Variants in RARS2 observed in about 807,000 individuals in gnomAD.
RARS2 encodes arginyl-tRNA synthetase 2, mitochondrial, also known as probable arginine--tRNA ligase, mitochondrial.
RARS2 carries 67 observed loss-of-function variants against 88.5 expected under a neutral mutation model. The observed-to-expected ratio is 0.76, with a 90% CI of 0.62 to 0.93. The LOEUF is 0.93. Among genes scored for constraint, RARS2 ranks in the 40% least tolerant of loss-of-function variants. The pLI, the probability that RARS2 is intolerant of heterozygous loss-of-function variation, is 0.00. For synonymous variants in RARS2, 239 were observed against 230.3 expected (o/e 1.04, Z -0.34); for missense variants, 664 against 684.2 (o/e 0.97, Z 0.33).
At chr6:87,583,322 G>A (rs1774158387) in intron 1 of RARS2, among the ~76,000 whole-genome samples, 1 of 152,182 alleles carries the variant, frequency 6.6e-6, no homozygotes, top group African/African-American at 2.4e-5. Context: ...AGGAATGGTG[G>A]CTCTTGCCTG....
intron 1 of RARS2, among the ~76,000 whole-genome samples, chr6:87,582,497 T>C (rs1040624225): frequency 1.3e-5 from 2 of 152,220 alleles, no homozygotes; most frequent in African/African-American, 2.4e-5. Context: ...CTTTGTCAGA[T>C]AGATTGTGAA....
At chr6:87,580,180 G>A (rs979932207) in intron 1 of RARS2, among the ~76,000 whole-genome samples, 2 of 152,090 alleles carry the variant, frequency 1.3e-5, no homozygotes, top group Admixed American at 1.3e-4. Context: ...CTTAGCTTCA[G>A]GGTTTATTTT....
intron 1 of RARS2, among the ~76,000 whole-genome samples, chr6:87,587,782 CTT>C (rs945439438): frequency 5.9e-5 from 9 of 151,676 alleles, no homozygotes; most frequent in Admixed American, 1.3e-4. Flanking sequence ...TTATCTTTTT[CTT>C]TTTTTTGAGA....
chr6:87,543,730 G>T (rs1379866135), intron 7 of RARS2, among the ~76,000 whole-genome samples: 1 of 151,972 alleles, frequency 6.6e-6, no homozygotes, highest in African/African-American at 2.4e-5. Flanking sequence ...TTCTATTCAA[G>T]GTTCAGTAGA....
chr6:87,586,202 G>A (rs1226556396), intron 1 of RARS2, among the ~76,000 whole-genome samples: 1 of 152,176 alleles, frequency 6.6e-6, no homozygotes, highest in East Asian at 1.9e-4. Context: ...GGGGCTTGGT[G>A]TGGAATAGAG....
rs1788719160 is a variant in RARS2 at position 87,564,252 on chromosome 6, CGA to C, written c.111-22_111-21del. On this transcript the variant is annotated intron_variant, in intron 2 of 19. Transcript: ENST00000369536. ...ACTTCTCTAAAGACAGACATCGAAA[CGA>C]GATAGAACTGTTACCTTAAAAGCAT... 1 of 1,528,028 alleles carries C rather than the reference CGA, an allele frequency of 6.5e-7. No individual in the cohort carries two copies. The highest frequency in any genetic ancestry group is 1.4e-5 in the African/African-American group (1 of 72,790). 94.7% of individuals were successfully genotyped at this position (1,528,028 alleles called of 1,614,324 possible).
chr6:87,563,797 T>C (rs376497566), intron 3 of RARS2, among the ~76,000 whole-genome samples: 7 of 152,206 alleles, frequency 4.6e-5, no homozygotes, highest in Non-Finnish European at 8.8e-5. Flanking sequence ...ATTTTAAAAA[T>C]TGCAACTCAC....
At chr6:87,516,924 TTACAC>T (rs1210548254) in intron 17 of RARS2, 44 bp from the exon 18 acceptor site, 2 of 1,609,268 alleles carry the variant, frequency 1.2e-6, no homozygotes, top group Non-Finnish European at 1.7e-6. Context: ...ACTGTACACA[TTACAC>T]TAAGACATTA....
chr6:87,562,182 C>T (rs774633445), intron 4 of RARS2, among the ~76,000 whole-genome samples: 3 of 152,056 alleles, frequency 2.0e-5, no homozygotes, highest in African/African-American at 4.8e-5. Flanking sequence ...CTTGAACTTC[C>T]GGGCTCAAGT....
At chr6:87,523,836 A>T (rs1307089805) in intron 11 of RARS2, among the ~76,000 whole-genome samples, 1 of 152,194 alleles carries the variant, frequency 6.6e-6, no homozygotes, top group Non-Finnish European at 1.5e-5. Flanking sequence ...CTTTTCTAAT[A>T]TATATATTTG....
intron 5 of RARS2, among the ~76,000 whole-genome samples, chr6:87,552,518 T>A (rs1232611752): frequency 2.0e-5 from 3 of 152,214 alleles, no homozygotes; most frequent in African/African-American, 7.2e-5. Context: ...TTTCCTTAAC[T>A]GCTTTAGAAA....
At chr6:87,515,706 T>C (rs1771448460) in intron 18 of RARS2, 1 of 152,052 alleles carries the variant, frequency 6.6e-6, no homozygotes, top group African/African-American at 2.4e-5. Flanking sequence ...TTAAAGTATC[T>C]TTTTAAATTT....
intron 11 of RARS2, among the ~76,000 whole-genome samples, chr6:87,523,252 T>A (rs1419033084): frequency 6.6e-6 from 1 of 152,198 alleles, no homozygotes; most frequent in Non-Finnish European, 1.5e-5. Context: ...GAAGACGTGC[T>A]AGGTCATTTA....
chr6:87,548,529 T>A (rs909481162), intron 6 of RARS2, 62 bp downstream of exon 6: 1 of 1,501,006 alleles, frequency 6.7e-7, no homozygotes, highest in East Asian at 2.3e-5. Flanking sequence ...AAACATTAAA[T>A]TGAACTATCA....
At chr6:87,545,806 A>G in intron 6 of RARS2, 107 bp from the exon 7 acceptor site, 1 of 1,301,720 alleles carries the variant, frequency 7.7e-7, no homozygotes, top group Non-Finnish European at 1.1e-6. Context: ...TCTTTTCACT[A>G]AATTTACCAA....
chr6:87,540,720 C>T (rs150685387), intron 8 of RARS2, among the ~76,000 whole-genome samples: 1 of 151,916 alleles, frequency 6.6e-6, no homozygotes, highest in Non-Finnish European at 1.5e-5. Flanking sequence ...ACAGGGACAA[C>T]AAAAAGGAAA....
intron 12 of RARS2, among the ~76,000 whole-genome samples, chr6:87,520,961 C>T (rs1181901320): frequency 6.6e-6 from 1 of 152,132 alleles, no homozygotes; most frequent in African/African-American, 2.4e-5. Context: ...GATAAAGTCT[C>T]ATAAAACCAT....
chr6:87,518,854 C>G lies in RARS2; in HGVS notation c.1275G>C (p.Glu425Asp). Residue 425 changes from glutamate to aspartate, a missense_variant, in exon 15 of 20, where the codon GAG becomes GAC. Physicochemically the swap from Glu to Asp is conservative, Grantham distance 45. Coordinates refer to ENST00000369536, the MANE Select transcript of RARS2 (RefSeq NM_020320.5). ...KELKNPQETAERVGLAALIIQ... is the reference protein window; with the variant it reads ...KELKNPQETADRVGLAALIIQ... ...TAATGAGTGCTGCGAGCCCGACCCT[C>G]TCTGCAGTCTCTTGTGGGTTCTTGA... The G allele has an allele frequency of 6.2e-7, 1 of 1,614,088 alleles. No homozygotes were observed. The highest frequency in any genetic ancestry group is 1.1e-5 in the South Asian group (1 of 91,072).
intron 8 of RARS2, among the ~76,000 whole-genome samples, chr6:87,534,600 A>G (rs1384399104): frequency 1.3e-5 from 2 of 152,226 alleles, no homozygotes; most frequent in African/African-American, 2.4e-5. Flanking sequence ...GAGGAAGACT[A>G]AGAGGACAAT....
Sources: gnomAD v4.1 joint callset for allele counts (sites outside exome capture counted in the v4.1 genomes callset) on GRCh38, gnomAD v4.1.1 for gene constraint, MANE v1.5 for transcripts, NCBI Gene and HGNC (gene_info 2026-07-23, HGNC 2026-07-21) for gene names.